ARHGAP5: variants seen among roughly 807,000 people sequenced by gnomAD.
ARHGAP5 encodes the protein rho GTPase-activating protein 5.
Under a neutral mutation model 116.6 loss-of-function variants are expected in ARHGAP5, and 23 were observed. The observed-to-expected ratio is 0.20, with a 90% CI of 0.14 to 0.28. The LOEUF is 0.28. Ranked by LOEUF, ARHGAP5 falls within the 10% of genes least tolerant of loss-of-function variation. The pLI is 1.00. For synonymous variants in ARHGAP5, 574 were observed against 602.0 expected, an observed-to-expected ratio of 0.95 and a Z score of 0.68; for missense variants, 1,405 against 1,774.8, an observed-to-expected ratio of 0.79 and a Z score of 3.74.
At chr14:32,152,386 A>G (rs1269996673) in intron 5 of ARHGAP5, 37 bp from the exon 6 acceptor site, 1 of 1,353,800 alleles carries the variant, frequency 7.4e-7, no homozygotes, top group South Asian at 1.2e-5. Context: ...TAAATGTGTA[A>G]GTTTTACACA....
chr14:32,077,593 C>T (rs192963558), intron 1 of ARHGAP5, among the ~76,000 whole-genome samples, 158 bp downstream of exon 1: 1 of 152,142 alleles, frequency 6.6e-6, no homozygotes, highest in Admixed American at 6.5e-5. Flanking sequence ...GCGCTGCGCT[C>T]GGTTTTCGCA....
intron 1 of ARHGAP5, among the ~76,000 whole-genome samples, chr14:32,084,175 T>C (rs1233156101): frequency 6.6e-6 from 1 of 152,222 alleles, no homozygotes; most frequent in Non-Finnish European, 1.5e-5. Flanking sequence ...GTTTTTCACA[T>C]ATTTTCAGCA....
At position 32,148,228 on chromosome 14, in the gene ARHGAP5, A is replaced by T. The variant is rs116885475; in HGVS notation, c.3944-1674A>T. The stretch of plus-strand genomic sequence containing the variant: ...TATCTATCTATGTATATCTATCTAT[A>T]GTGTTTAAAAAACTGTTTAGACAAT... On this transcript the variant is annotated intron_variant, in intron 4 of 6. Transcript: ENST00000345122. 1.4e-4 allele frequency among the ~76,000 whole-genome samples: 21 copies of T among 150,730 alleles called. No individual in the cohort carries two copies. The East Asian group carries it at 4.1e-3, about 29-fold the overall frequency.
At chr14:32,121,222 C>T (rs113512385) in intron 3 of ARHGAP5, among the ~76,000 whole-genome samples, 2 of 151,932 alleles carry the variant, frequency 1.3e-5, no homozygotes, top group Non-Finnish European at 2.9e-5. Flanking sequence ...TCCCCAGCCT[C>T]GTCTCAAACT....
rs1381863245 is a variant in ARHGAP5 at position 32,148,206 on chromosome 14, CTATCTATG to C, written c.3944-1692_3944-1685del. ...TCTATCTATCTATCTATCTATCTAT[CTATCTATG>C]TATATCTATCTATAGTGTTTAAAAA... On this transcript the variant is annotated intron_variant, in intron 4 of 6. Transcript: ENST00000345122. Among the ~76,000 whole-genome samples the C allele has an allele frequency of 8.1e-3, 1,224 of 150,346 alleles. 11 individuals are homozygous for C. The highest frequency in any genetic ancestry group is 0.027 in the African/African-American group (1,119 of 40,926).
chr14:32,147,318 A>C (rs1364273351), intron 4 of ARHGAP5, among the ~76,000 whole-genome samples: 1 of 152,224 alleles, frequency 6.6e-6, no homozygotes, highest in Non-Finnish European at 1.5e-5. Context: ...AAAATTCTGT[A>C]TGACATGTGG....
chr14:32,123,779 G>C (rs759513677), intron 3 of ARHGAP5, among the ~76,000 whole-genome samples: 1 of 152,132 alleles, frequency 6.6e-6, no homozygotes, highest in Non-Finnish European at 1.5e-5. Flanking sequence ...AGTACCTTGT[G>C]AATCAGTTTG....
intron 3 of ARHGAP5, among the ~76,000 whole-genome samples, chr14:32,124,362 G>T (rs751680721): frequency 2.6e-5 from 4 of 152,180 alleles, no homozygotes; most frequent in Non-Finnish European, 5.9e-5. Flanking sequence ...GTTAACCAGG[G>T]CATCATGGTG....
At chr14:32,082,757 C>T (rs1315657318) in intron 1 of ARHGAP5, among the ~76,000 whole-genome samples, 1 of 152,208 alleles carries the variant, frequency 6.6e-6, no homozygotes, top group African/African-American at 2.4e-5. Context: ...TCGGGCTGGT[C>T]TCGACCTCCT....
chr14:32,096,695 A>G (rs1040600233), intron 2 of ARHGAP5, among the ~76,000 whole-genome samples: 4 of 152,242 alleles, frequency 2.6e-5, no homozygotes, highest in Admixed American at 6.5e-5. Context: ...AGGAAATACT[A>G]GTTCCAGACA....
chr14:32,155,492 A>G lies in ARHGAP5; in HGVS notation c.*544A>G, dbSNP rs1486510842. ...GAAAGAAAGAAAAAATACACTTGAC[A>G]TATTTCACATTTCTGTACCTTCATC... On this transcript the variant is annotated 3_prime_UTR_variant, in exon 7 of 7. Transcript: ENST00000345122. 5 of 153,100 alleles carry G rather than the reference A, an allele frequency of 3.3e-5. No homozygotes were observed. Among genetic ancestry groups the G allele is most frequent in the African/African-American group, 4.8e-5 (2 of 41,470 alleles). The allele number at this position is 153,100 out of a possible 1,614,324, so 9.5% of individuals were successfully genotyped here.
intron 3 of ARHGAP5, among the ~76,000 whole-genome samples, chr14:32,136,066 T>C (rs1880774177): frequency 6.6e-6 from 1 of 152,250 alleles, no homozygotes; most frequent in Non-Finnish European, 1.5e-5. Context: ...TCAATAAGTT[T>C]ATATACTACT....
intron 3 of ARHGAP5, among the ~76,000 whole-genome samples, chr14:32,131,879 C>A (rs1880517139): frequency 6.6e-6 from 1 of 152,152 alleles, no homozygotes; most frequent in Non-Finnish European, 1.5e-5. Context: ...ATGATGGTTT[C>A]CAGTTTCATT....
intron 2 of ARHGAP5, among the ~76,000 whole-genome samples, chr14:32,112,630 T>C (rs967056680): frequency 2.0e-5 from 3 of 152,184 alleles, no homozygotes; most frequent in Non-Finnish European, 4.4e-5. Flanking sequence ...CCCAGCACTT[T>C]GGGAGGCCAA....
At position 32,159,515 on chromosome 14, in the gene ARHGAP5, A is replaced by G. The variant is rs1479967622; in HGVS notation, c.*4567A>G. The G allele has an allele frequency of 6.6e-6, 1 of 152,082 alleles. No homozygotes were observed. Among genetic ancestry groups the G allele is most frequent in the Non-Finnish European group, 1.5e-5 (1 of 68,008 alleles). The allele number at this position is 152,082 out of a possible 1,614,324, so 9.4% of individuals were successfully genotyped here. A position where few individuals can be genotyped will look rare whatever the true frequency, so the allele number is the denominator to read the frequency against. ...TTCATTGCTTCACTAATTCATCCAG[A>G]TTAGTTTTAAGTGTGTATATGTATT... On this transcript the variant is annotated 3_prime_UTR_variant, in exon 7 of 7. Coordinates refer to ENST00000345122, the MANE Select transcript of ARHGAP5 (RefSeq NM_001030055.2).
intron 2 of ARHGAP5, among the ~76,000 whole-genome samples, chr14:32,108,529 C>T (rs1466748262): frequency 3.3e-5 from 5 of 151,852 alleles, no homozygotes; most frequent in African/African-American, 1.2e-4. Flanking sequence ...TTGGTCCTGG[C>T]AATAATATGA....
At chr14:32,111,783 A>G (rs1879313350) in intron 2 of ARHGAP5, among the ~76,000 whole-genome samples, 1 of 148,838 alleles carries the variant, frequency 6.7e-6, no homozygotes, top group Admixed American at 6.7e-5. Context: ...TGTTTCTGTG[A>G]TGAGTTTTTT....
At chr14:32,121,433 T>A (rs1194277004) in intron 3 of ARHGAP5, among the ~76,000 whole-genome samples, 1 of 152,214 alleles carries the variant, frequency 6.6e-6, no homozygotes, top group Non-Finnish European at 1.5e-5. Context: ...ATGTGTTTTA[T>A]AAGAACCTTA....
rs886396337 is a variant in ARHGAP5 at position 32,087,419 on chromosome 14, G to A, written c.-168-3083G>A. 4.0e-5 allele frequency among the ~76,000 whole-genome samples: 6 copies of A among 151,086 alleles called. No homozygotes were observed. In the East Asian group the frequency reaches 5.8e-4, roughly 15 times the overall value. ...AACAAATAGCCAAACCCTTTTGAGGGCAAGGTGACAACAGTTTTTTTTTTT... is the reference window on the plus strand; with the variant it reads ...AACAAATAGCCAAACCCTTTTGAGGACAAGGTGACAACAGTTTTTTTTTTT... On this transcript the variant is annotated intron_variant, in intron 1 of 6. Coordinates refer to ENST00000345122, the MANE Select transcript of ARHGAP5 (RefSeq NM_001030055.2).
Sources: allele counts gnomAD v4.1 joint callset (sites outside exome capture counted in the v4.1 genomes callset), GRCh38; gene constraint gnomAD v4.1.1; transcripts MANE v1.5; gene names NCBI Gene and HGNC (gene_info 2026-07-23, HGNC 2026-07-21).